Variants in ACLY observed in about 807,000 individuals in gnomAD.
ACLY encodes ATP-citrate synthase.
ACLY carries 41 observed loss-of-function variants against 133.0 expected under a neutral mutation model. The ratio of observed to expected loss-of-function variants is 0.31; its 90% CI spans 0.24 to 0.40. The LOEUF is 0.40. Ranked by LOEUF, ACLY falls within the 10% of genes least tolerant of loss-of-function variation. The pLI, the probability that ACLY is intolerant of heterozygous loss-of-function variation, is 1.00. For missense variants in ACLY, 1,046 were observed against 1,453.8 expected, an observed-to-expected ratio of 0.72 and a Z score of 4.56; for synonymous variants, 495 against 549.3, an observed-to-expected ratio of 0.90 and a Z score of 1.38.
At chr17:41,922,153 C>T (rs1285058861), upstream of ACLY, among the ~76,000 whole-genome samples, 5 of 151,876 alleles carry the variant, frequency 3.3e-5, no homozygotes, top group Non-Finnish European at 1.5e-5. Context: ...CCGAGGCGGG[C>T]GGATCACAAG....
chr17:41,902,878 G>A (rs1330696229), intron 10 of ACLY, among the ~76,000 whole-genome samples: 1 of 152,224 alleles, frequency 6.6e-6, no homozygotes, highest in Non-Finnish European at 1.5e-5. Flanking sequence ...CCAGGCTGAA[G>A]CACAGTGGCA....
At chr17:41,871,663 A>C (rs1207243447) in intron 25 of ACLY, 26 bp downstream of exon 25, 2 of 1,613,322 alleles carry the variant, frequency 1.2e-6, no homozygotes, top group African/African-American at 1.3e-5. Flanking sequence ...CCTCCATCCC[A>C]CTTTTTTAGG....
chr17:41,881,333 G>A (rs1371524170), intron 20 of ACLY, among the ~76,000 whole-genome samples: 7 of 142,454 alleles, frequency 4.9e-5, no homozygotes, highest in African/African-American at 1.8e-4. Context: ...TGAAGTAGGA[G>A]AATTGCTTAA....
chr17:41,906,729 C>T (rs2049730449), intron 7 of ACLY, 83 bp from the exon 8 acceptor site: 8 of 1,273,742 alleles, frequency 6.3e-6, no homozygotes, highest in Non-Finnish European at 9.1e-6. Flanking sequence ...CCCGCTTTCC[C>T]TGGAAGCACA....
At chr17:41,912,880 G>T (rs1448170067) in intron 2 of ACLY, among the ~76,000 whole-genome samples, 1 of 152,144 alleles carries the variant, frequency 6.6e-6, no homozygotes, top group Non-Finnish European at 1.5e-5. Context: ...TCAGAATATG[G>T]ACCAGAACAT....
chr17:41,920,912 A>C (rs931550087), upstream of ACLY, among the ~76,000 whole-genome samples: 1 of 152,196 alleles, frequency 6.6e-6, no homozygotes, highest in South Asian at 2.1e-4. Flanking sequence ...AATACAAAAA[A>C]TTAGCTGGGC....
At position 41,898,798 on chromosome 17, in the gene ACLY, G is replaced by T; in HGVS notation, c.1184-13C>A. 1.3e-6 allele frequency: 2 copies of T among 1,594,670 alleles called. No individual in the cohort carries two copies. Among genetic ancestry groups the T allele is most frequent in the Non-Finnish European group, 8.5e-7 (1 of 1,171,762 alleles). ...CCAGTGGTCTTCCCTGCAAGGGAAGGAAAAAAAAATCCATAATTCAAGTCT... is the reference window on the plus strand; with the variant it reads ...CCAGTGGTCTTCCCTGCAAGGGAAGTAAAAAAAAATCCATAATTCAAGTCT... On this transcript the variant is annotated splice_polypyrimidine_tract_variant and intron_variant, in intron 11 of 28. Coordinates refer to ENST00000352035, the MANE Select transcript of ACLY (RefSeq NM_001096.3).
intron 16 of ACLY, among the ~76,000 whole-genome samples, chr17:41,889,290 G>C: frequency 1.3e-5 from 2 of 151,800 alleles, no homozygotes; most frequent in African/African-American, 4.8e-5. Flanking sequence ...AGGCCGAGGC[G>C]GTTGGATCAC....
chr17:41,877,950 T>C (rs1555626457), intron 22 of ACLY, among the ~76,000 whole-genome samples, 153 bp downstream of exon 22: 2 of 152,074 alleles, frequency 1.3e-5, no homozygotes, highest in Non-Finnish European at 2.9e-5. Flanking sequence ...CCTTTATATA[T>C]ATATATCCTA....
At chr17:41,886,371 CAA>C in intron 17 of ACLY, 63 bp from the exon 18 acceptor site, 1 of 1,500,254 alleles carries the variant, frequency 6.7e-7, no homozygotes, top group South Asian at 1.2e-5. Flanking sequence ...CAAAGAATCA[CAA>C]AGCCCCTGCA....
chr17:41,878,818 T>A lies in ACLY; in HGVS notation c.2372A>T (p.Asp791Val). The A allele has an allele frequency of 6.2e-7, 1 of 1,613,948 alleles. No individual in the cohort carries two copies. The highest frequency in any genetic ancestry group is 8.5e-7 in the Non-Finnish European group (1 of 1,179,914). The change falls in exon 21 of 29, where the codon GAT becomes GTT. Residue 791 changes from aspartate (D) to valine (V), a missense_variant. Transcript: ENST00000352035. Reference protein sequence around the residue: ...EAGVFVPRSFDELGEIIQSVY... With the variant: ...EAGVFVPRSFVELGEIIQSVY... ...TTACTGGATGATCTCTCCAAGCTCA[T>A]CAAAGCTCCGGGGCACAAACACTCC...
At chr17:41,868,436 C>A (rs1210033685) in intron 28 of ACLY, among the ~76,000 whole-genome samples, 2,147 of 102,642 alleles carry the variant, frequency 0.021, no homozygotes, top group Middle Eastern at 0.024. Flanking sequence ...GACTCAGTCT[C>A]AAAAAAAAAA....
chr17:41,879,684 AAAAG>A (rs1555626913), intron 20 of ACLY, among the ~76,000 whole-genome samples: 6 of 127,716 alleles, frequency 4.7e-5, no homozygotes, highest in Non-Finnish European at 6.7e-5. Context: ...AAAAAAAAAA[AAAAG>A]AAGTGCTAAA....
intron 17 of ACLY, 96 bp downstream of exon 17, chr17:41,887,503 G>A (rs1305897440): frequency 1.0e-6 from 1 of 956,156 alleles, no homozygotes; most frequent in Non-Finnish European, 1.7e-6. Context: ...CTCAACCTAG[G>A]AGGGAGATAG....
At position 41,883,167 on chromosome 17, in the gene ACLY, G is replaced by C. The variant is rs782181799; in HGVS notation, c.2220C>G (p.Ile740Met). 6.2e-7 allele frequency: 1 copy of C among 1,614,050 alleles called. No homozygotes were observed. ...CACACGTCCCGATGCACCAGCAGAC[G>C]ATGGGCTTAGTGAGGCGGCCCTCCT... ...GIKEGRLTKPIVCWCIGTCAT... is the reference protein window; with the variant it reads ...GIKEGRLTKPMVCWCIGTCAT... The change falls in exon 20 of 29, where the codon ATC becomes ATG. Residue 740 changes from isoleucine (I) to methionine (M), a missense_variant. Coordinates refer to ENST00000352035, the MANE Select transcript of ACLY (RefSeq NM_001096.3).
At chr17:41,868,379 A>T (rs2048514410) in intron 28 of ACLY, among the ~76,000 whole-genome samples, 1 of 147,138 alleles carries the variant, frequency 6.8e-6, no homozygotes. Flanking sequence ...CAGAGGTTGC[A>T]GTGAGCTGAG....
intron 12 of ACLY, among the ~76,000 whole-genome samples, chr17:41,898,261 C>A (rs966453315): frequency 6.6e-6 from 1 of 152,114 alleles, no homozygotes; most frequent in Non-Finnish European, 1.5e-5. Flanking sequence ...TACAGACATG[C>A]ACCACCATGT....
intron 8 of ACLY, 51 bp from the exon 9 acceptor site, chr17:41,905,709 T>TGG (rs2049695101): frequency 6.2e-7 from 1 of 1,611,412 alleles, no homozygotes; most frequent in Admixed American, 1.7e-5. Context: ...GGGCAGGGAG[T>TGG]GGCAGCCTGG....
In ACLY at chr17:41,886,171, G is replaced by A. The variant is rs1555628104; in HGVS notation, c.2013C>T (p.Asn671=). The A allele has an allele frequency of 6.2e-7, 1 of 1,614,194 alleles. No homozygotes were observed. Among genetic ancestry groups the A allele is most frequent in the Admixed American group, 1.7e-5 (1 of 60,018 alleles). The change falls in exon 18 of 29, where the codon AAC becomes AAT. Residue 671 remains asparagine, a synonymous_variant. Coordinates refer to ENST00000352035, the MANE Select transcript of ACLY (RefSeq NM_001096.3). The part of the protein sequence containing the change: ...SRSGGMSNEL[N]NIISRTTDGV... ...CATCCGTGGTCCGAGAGATGATATTGTTGAGCTCGTTGGACATGCCTCCGG... is the reference window on the plus strand; with the variant it reads ...CATCCGTGGTCCGAGAGATGATATTATTGAGCTCGTTGGACATGCCTCCGG...
Sources: allele counts gnomAD v4.1 joint callset (sites outside exome capture counted in the v4.1 genomes callset), GRCh38; gene constraint gnomAD v4.1.1; transcripts MANE v1.5; gene names NCBI Gene and HGNC (gene_info 2026-07-23, HGNC 2026-07-21).